Variants in CNTNAP4 observed in about 807,000 individuals in gnomAD.
The protein encoded by CNTNAP4 is contactin associated protein family member 4.
In CNTNAP4, 98 loss-of-function variants were observed where a neutral mutation model predicts 148.4. That is an observed-to-expected ratio of 0.66 (90% CI 0.56 to 0.78). The LOEUF (loss-of-function observed/expected upper bound fraction) is 0.78, where lower values mean the gene tolerates loss of function less well. Among genes scored for constraint, CNTNAP4 ranks in the 30% least tolerant of loss-of-function variants. The pLI, the probability that CNTNAP4 is intolerant of heterozygous loss-of-function variation, is 0.00. For synonymous variants in CNTNAP4, 730 were observed against 565.1 expected, an observed-to-expected ratio of 1.29 and a Z score of -4.14; for missense variants, 1,935 against 1,565.6, an observed-to-expected ratio of 1.24 and a Z score of -3.98.
At chr16:76,541,025 G>A (rs1217014040) in intron 21 of CNTNAP4, among the ~76,000 whole-genome samples, 1 of 152,094 alleles carries the variant, frequency 6.6e-6, no homozygotes, top group East Asian at 1.9e-4. Context: ...TCTCAGTCCT[G>A]TCTCAATAAA....
chr16:76,392,638 C>T (rs1424347691), intron 3 of CNTNAP4, among the ~76,000 whole-genome samples: 1 of 152,198 alleles, frequency 6.6e-6, no homozygotes, highest in Non-Finnish European at 1.5e-5. Flanking sequence ...CAGGTCTGCT[C>T]AAGTACATAC....
chr16:76,467,686 T>C (rs570926591), intron 10 of CNTNAP4, among the ~76,000 whole-genome samples, 163 bp downstream of exon 10: 1 of 152,332 alleles, frequency 6.6e-6, no homozygotes, highest in African/African-American at 2.4e-5. Context: ...GCACCCTTTG[T>C]TTAAATGTCA....
At chr16:76,478,606 G>A (rs1314721516) in intron 11 of CNTNAP4, among the ~76,000 whole-genome samples, 1 of 152,142 alleles carries the variant, frequency 6.6e-6, no homozygotes, top group Non-Finnish European at 1.5e-5. Flanking sequence ...CTTAACAGAA[G>A]TTATCAGTAT....
At chr16:76,327,909 C>T (rs1963149926) in intron 2 of CNTNAP4, among the ~76,000 whole-genome samples, 1 of 132,360 alleles carries the variant, frequency 7.6e-6, no homozygotes, top group African/African-American at 2.9e-5. Flanking sequence ...TTCCTTTGGC[C>T]TTCCGTCATT....
intron 1 of CNTNAP4, among the ~76,000 whole-genome samples, chr16:76,285,895 C>T (rs993235660): frequency 2.0e-5 from 3 of 151,802 alleles, no homozygotes; most frequent in Non-Finnish European, 2.9e-5. Flanking sequence ...CACAGAGACC[C>T]CCACATTTTC....
rs1349952539 is a variant in CNTNAP4, at chr16:76,412,782, T to C, written c.391-14670T>C. ...TGGTTTCTTTCTATTATAACATTTTTAAATGAACAAAGTTCTTAATGTATT... is the reference window on the plus strand; with the variant it reads ...TGGTTTCTTTCTATTATAACATTTTCAAATGAACAAAGTTCTTAATGTATT... On this transcript the variant is annotated intron_variant, in intron 3 of 23. Transcript: ENST00000611870. Among the ~76,000 whole-genome samples, 3 of 151,496 alleles carry C rather than the reference T, an allele frequency of 2.0e-5. 1 individual carries two copies. The highest frequency in any genetic ancestry group is 4.8e-5 in the African/African-American group (2 of 41,410).
intron 4 of CNTNAP4, among the ~76,000 whole-genome samples, chr16:76,435,127 G>A (rs1597526369): frequency 1.3e-5 from 2 of 152,116 alleles, no homozygotes; most frequent in Non-Finnish European, 1.5e-5. Flanking sequence ...CTTCCTCAAA[G>A]GGACCTGGCC....
intron 2 of CNTNAP4, among the ~76,000 whole-genome samples, chr16:76,339,691 AATCT>A (rs1964310345): frequency 6.6e-6 from 1 of 152,224 alleles, no homozygotes; most frequent in Admixed American, 6.5e-5. Context: ...GTTATCTCAG[AATCT>A]ATCTAATTTA....
intron 12 of CNTNAP4, among the ~76,000 whole-genome samples, chr16:76,481,740 G>C (rs981063299): frequency 6.6e-6 from 1 of 152,114 alleles, no homozygotes; most frequent in Non-Finnish European, 1.5e-5. Context: ...GGGGAGATTT[G>C]GTACTTAAAA....
chr16:76,378,116 T>C (rs966773142), intron 3 of CNTNAP4, among the ~76,000 whole-genome samples: 5 of 152,128 alleles, frequency 3.3e-5, no homozygotes, highest in African/African-American at 9.7e-5. Context: ...CTTTTGTTTA[T>C]TGGAGATTCT....
chr16:76,533,461 A>C (rs1334910320), intron 17 of CNTNAP4, among the ~76,000 whole-genome samples: 2 of 152,194 alleles, frequency 1.3e-5, no homozygotes, highest in Non-Finnish European at 2.9e-5. Context: ...TGTAGTTTCA[A>C]ATAACTAGGA....
At chr16:76,309,757 G>C (rs530393771) in intron 1 of CNTNAP4, 9 of 675,010 alleles carry the variant, frequency 1.3e-5, no homozygotes, top group East Asian at 2.7e-5. Context: ...TTGGGCGGAG[G>C]GGGTGGTCCG....
At chr16:76,398,080 T>C (rs2078276249) in intron 3 of CNTNAP4, among the ~76,000 whole-genome samples, 2 of 141,868 alleles carry the variant, frequency 1.4e-5, no homozygotes, top group African/African-American at 5.2e-5. Context: ...CCAGCCCGAG[T>C]CCCAAAGCTG....
At chr16:76,307,683 C>G (rs1004111644) in intron 1 of CNTNAP4, among the ~76,000 whole-genome samples, 5 of 151,838 alleles carry the variant, frequency 3.3e-5, no homozygotes, top group Non-Finnish European at 5.9e-5. Flanking sequence ...CTCTGATGCT[C>G]TCTTTACTTT....
Position 76,558,544 on chromosome 16 carries a change from G to A in CNTNAP4, c.3788G>A (p.Arg1263His), listed in dbSNP as rs755573818. Reference sequence around the variant, plus strand: ...CTTTGCATCACTGCCATAGCTGTTCGCATTTATCAGCAGAAAAGGTTATAT... The same window carrying A: ...CTTTGCATCACTGCCATAGCTGTTCACATTTATCAGCAGAAAAGGTTATAT... ...ILLCITAIAVRIYQQKRLYKR... is the reference protein window; with the variant it reads ...ILLCITAIAVHIYQQKRLYKR... Residue 1263 changes from arginine (R) to histidine (H), a missense_variant, in exon 24 of 24, where the codon CGC becomes CAC. Coordinates refer to ENST00000611870, the MANE Select transcript of CNTNAP4 (RefSeq NM_033401.5). 44 of 1,610,728 alleles carry A rather than the reference G, an allele frequency of 2.7e-5. No individual in the cohort carries two copies. Among genetic ancestry groups the A allele is most frequent in the East Asian group, 6.7e-5 (3 of 44,846 alleles).
Position 76,375,628 on chromosome 16 carries a change from A to AC in CNTNAP4, c.390+20122dup, listed in dbSNP as rs549810115. Among the ~76,000 whole-genome samples, 549 of 152,050 alleles carry AC rather than the reference A, an allele frequency of 3.6e-3. 7 individuals are homozygous for AC. Among genetic ancestry groups the AC allele is most frequent in the African/African-American group, 0.013 (532 of 41,452 alleles). On this transcript the variant is annotated intron_variant, in intron 3 of 23. Transcript: ENST00000611870. ...TCTTCTCTCCTCCATTGAAGTCCCC[A>AC]CCCCCAGGCTCCTGCATCAGAAGTG...
chr16:76,534,007 G>A lies in CNTNAP4; in HGVS notation c.2756-1538G>A, dbSNP rs1384817831. Among the ~76,000 whole-genome samples the A allele has an allele frequency of 2.0e-5, 3 of 152,152 alleles. No homozygotes were observed. The East Asian group carries it at 5.8e-4, about 29-fold the overall frequency. The stretch of plus-strand genomic sequence containing the variant: ...AGTGTCCGTAAGTCCAGAATTCTCA[G>A]GAATTCTTAGAGGTTCCTTTTCATA... On this transcript the variant is annotated intron_variant, in intron 17 of 23. Transcript: ENST00000611870.
At chr16:76,334,546 T>C (rs1333645537) in intron 2 of CNTNAP4, among the ~76,000 whole-genome samples, 2 of 152,224 alleles carry the variant, frequency 1.3e-5, no homozygotes, top group African/African-American at 4.8e-5. Flanking sequence ...GTTAAACTTT[T>C]CTAGATAAAA....
intron 17 of CNTNAP4, among the ~76,000 whole-genome samples, chr16:76,533,351 G>A (rs1325919018): frequency 1.3e-5 from 2 of 151,948 alleles, no homozygotes; most frequent in South Asian, 2.1e-4. Flanking sequence ...ACAGGGAAGG[G>A]GCACAGAGAT....
Sources: gnomAD v4.1 joint callset for allele counts (sites outside exome capture counted in the v4.1 genomes callset) on GRCh38, gnomAD v4.1.1 for gene constraint, MANE v1.5 for transcripts, NCBI Gene and HGNC (gene_info 2026-07-23, HGNC 2026-07-21) for gene names.